SIK3: variants seen among roughly 807,000 people sequenced by gnomAD.
SIK3 encodes the protein serine/threonine-protein kinase SIK3.
SIK3 carries 28 observed loss-of-function variants against 144.2 expected under a neutral mutation model. The ratio of observed to expected loss-of-function variants is 0.19; its 90% confidence interval spans 0.14 to 0.27. The LOEUF is 0.27. Among genes scored for constraint, SIK3 ranks in the 10% least tolerant of loss-of-function variants. The probability of loss-of-function intolerance (pLI) is 1.00; values close to 1 mark genes in which losing one functional copy is unlikely to be tolerated. For synonymous variants in SIK3, 686 were observed against 676.3 expected (o/e 1.01, Z -0.22); for missense variants, 1,319 against 1,776.0 (o/e 0.74, Z 4.62).
chr11:116,927,868 T>C (rs1033463236), intron 3 of SIK3, among the ~76,000 whole-genome samples: 3 of 152,372 alleles, frequency 2.0e-5, no homozygotes, highest in Admixed American at 2.0e-4. Flanking sequence ...CAGAGCACTC[T>C]GTTTAGGTTA....
intron 6 of SIK3, among the ~76,000 whole-genome samples, chr11:116,891,202 A>T (rs1278134317): frequency 2.0e-5 from 3 of 152,180 alleles, no homozygotes; most frequent in Non-Finnish European, 4.4e-5. Context: ...CTGTAGTCCC[A>T]GCTACTTGGG....
At chr11:116,988,746 A>C (rs1950406026) in intron 1 of SIK3, among the ~76,000 whole-genome samples, 1 of 151,840 alleles carries the variant, frequency 6.6e-6, no homozygotes, top group Non-Finnish European at 1.5e-5. Context: ...GTGAGCCATG[A>C]TCATGCCACT....
chr11:117,069,843 G>T (rs1022396331), intron 1 of SIK3, among the ~76,000 whole-genome samples: 1 of 152,098 alleles, frequency 6.6e-6, no homozygotes, highest in Non-Finnish European at 1.5e-5. Flanking sequence ...TACTACTCAG[G>T]AAGAGTTTTG....
intron 1 of SIK3, among the ~76,000 whole-genome samples, chr11:117,062,016 A>AT (rs531727500): frequency 0.048 from 7,122 of 147,734 alleles, 544 homozygotes; most frequent in African/African-American, 0.16. Context: ...TTGGGTATAG[A>AT]TTTTTTTTTT....
chr11:116,950,526 C>T (rs1948885469), intron 3 of SIK3, among the ~76,000 whole-genome samples: 5 of 152,198 alleles, frequency 3.3e-5, no homozygotes, highest in Admixed American at 3.3e-4. Flanking sequence ...GTTCCCTCTG[C>T]TTTAATCCTT....
At chr11:117,067,601 T>A (rs1369921849) in intron 1 of SIK3, among the ~76,000 whole-genome samples, 1 of 152,194 alleles carries the variant, frequency 6.6e-6, no homozygotes, top group Admixed American at 6.5e-5. Flanking sequence ...GGTTATTAAA[T>A]GGGTGTGTAT....
chr11:116,900,827 T>C (rs922068051), intron 4 of SIK3, among the ~76,000 whole-genome samples: 5 of 152,104 alleles, frequency 3.3e-5, no homozygotes, highest in East Asian at 1.9e-4. Flanking sequence ...CTACATCCCA[T>C]TACTGTTCTG....
At chr11:117,067,859 C>G (rs1219255841) in intron 1 of SIK3, among the ~76,000 whole-genome samples, 1 of 151,970 alleles carries the variant, frequency 6.6e-6, no homozygotes, top group Admixed American at 6.6e-5. Context: ...TGGTGACAGG[C>G]ACCTGTAGTC....
chr11:117,036,840 G>C (rs1283279171), intron 1 of SIK3, among the ~76,000 whole-genome samples: 2 of 152,138 alleles, frequency 1.3e-5, no homozygotes, highest in African/African-American at 4.8e-5. Flanking sequence ...TGAAACCTCT[G>C]ATTCATTAAG....
At chr11:117,023,621 A>AAAATATATATATATATATATATAT (rs754624841) in intron 1 of SIK3, among the ~76,000 whole-genome samples, 9 of 95,384 alleles carry the variant, frequency 9.4e-5, no homozygotes, top group Non-Finnish European at 1.3e-4. Context: ...AAAAAAAAAA[A>AAAATATATATATATATATATATAT]ATATATATAT....
At chr11:117,075,923 A>C (rs781770739) in intron 1 of SIK3, among the ~76,000 whole-genome samples, 3 of 134,188 alleles carry the variant, frequency 2.2e-5, no homozygotes, top group Non-Finnish European at 3.0e-5. Flanking sequence ...ATCTCGGCTC[A>C]CTGCAACCTC....
chr11:116,964,295 C>G (rs1343037740), intron 1 of SIK3, among the ~76,000 whole-genome samples: 1 of 152,216 alleles, frequency 6.6e-6, no homozygotes, highest in Non-Finnish European at 1.5e-5. Context: ...GCCACCACAC[C>G]TGGCTTCCAA....
intron 1 of SIK3, among the ~76,000 whole-genome samples, chr11:117,041,208 G>C (rs1952729196): frequency 6.6e-6 from 1 of 152,134 alleles, no homozygotes; most frequent in African/African-American, 2.4e-5. Flanking sequence ...GGGATAGCAG[G>C]AAGTACTGTA....
chr11:116,897,463 A>G (rs1398660924), intron 4 of SIK3, 146 bp from the exon 5 acceptor site: 2 of 689,534 alleles, frequency 2.9e-6, no homozygotes, highest in Non-Finnish European at 4.8e-6. Context: ...ATAGCCAGAC[A>G]CTTAAAACAA....
At chr11:116,993,692 G>C (rs1023972791) in intron 1 of SIK3, among the ~76,000 whole-genome samples, 1 of 152,204 alleles carries the variant, frequency 6.6e-6, no homozygotes, top group Non-Finnish European at 1.5e-5. Context: ...GACGTCAGCA[G>C]GGTGCAAGGG....
At chr11:116,879,393 C>A (rs1944437016) in intron 6 of SIK3, among the ~76,000 whole-genome samples, 1 of 152,184 alleles carries the variant, frequency 6.6e-6, no homozygotes, top group Admixed American at 6.5e-5. Context: ...ATTAGCTCCA[C>A]TTATAAATGA....
intron 1 of SIK3, among the ~76,000 whole-genome samples, chr11:117,045,909 A>G (rs1332829937): frequency 2.0e-5 from 3 of 152,256 alleles, no homozygotes; most frequent in African/African-American, 7.2e-5. Context: ...AACTTTTTTT[A>G]TATGAGGAAA....
intron 1 of SIK3, among the ~76,000 whole-genome samples, chr11:116,973,885 G>T (rs1432457243): frequency 6.6e-6 from 1 of 152,146 alleles, no homozygotes; most frequent in Non-Finnish European, 1.5e-5. Context: ...AAAAGACTGA[G>T]AAACTGTCAC....
chr11:117,070,746 C>CTT (rs1253836351), intron 1 of SIK3, among the ~76,000 whole-genome samples: 1 of 139,390 alleles, frequency 7.2e-6, no homozygotes, highest in African/African-American at 3.1e-5. Flanking sequence ...GCGCCCGGCC[C>CTT]TTTTTCTTTT....
Sources: gnomAD v4.1 joint callset for allele counts (sites outside exome capture counted in the v4.1 genomes callset) on GRCh38, gnomAD v4.1.1 for gene constraint, MANE v1.5 for transcripts, NCBI Gene and HGNC (gene_info 2026-07-23, HGNC 2026-07-21) for gene names.